The following BRWD3 variants were observed in gnomAD, a reference collection of about 807,000 sequenced individuals.
BRWD3 encodes the protein bromodomain and WD repeat domain containing 3.
Under a neutral mutation model 149.7 loss-of-function variants are expected in BRWD3, and 10 were observed. That is an observed-to-expected ratio of 0.07 (90% confidence interval 0.04 to 0.11). The LOEUF (loss-of-function observed/expected upper bound fraction) is 0.11, where lower values mean the gene tolerates loss of function less well. Ranked by LOEUF, BRWD3 falls within the 10% of genes least tolerant of loss-of-function variation. The pLI, the probability that BRWD3 is intolerant of heterozygous loss-of-function variation, is 1.00. For missense variants in BRWD3, 940 were observed against 1,373.2 expected (o/e 0.68, Z 4.99); for synonymous variants, 504 against 456.7 (o/e 1.10, Z -1.32).
chrX:80,685,789 A>G (rs1373763474), intron 35 of BRWD3, among the ~76,000 whole-genome samples: 1 of 111,903 alleles, frequency 8.9e-6, no homozygotes, highest in South Asian at 3.8e-4. Flanking sequence ...TACTTGAATG[A>G]TATTTTTTCC....
chrX:80,693,791 GTGGTC>G (rs1398914390), intron 27 of BRWD3, among the ~76,000 whole-genome samples: 1 of 112,064 alleles, frequency 8.9e-6, no homozygotes, highest in Non-Finnish European at 1.9e-5. Flanking sequence ...TCACAAAGAT[GTGGTC>G]TGGAAATGGA....
chrX:80,725,728 A>G (rs2073210099), intron 14 of BRWD3, among the ~76,000 whole-genome samples: 2 of 111,319 alleles, frequency 1.8e-5, no homozygotes, highest in Admixed American at 1.9e-4. Flanking sequence ...TAACATGTTT[A>G]CATGTGTTAC....
Position 80,675,238 on chromosome X carries a change from T to A in BRWD3, c.*1371A>T, listed in dbSNP as rs1459801966. The A allele has an allele frequency of 8.9e-6, 1 of 111,857 alleles. No individual in the cohort carries two copies. The highest frequency in any genetic ancestry group is 1.9e-5 in the Non-Finnish European group (1 of 53,092). The allele number at this position is 111,857 out of a possible 1,213,427, so 9.2% of individuals were successfully genotyped here. ...ATCTATAAAATAATGATTCACAACATGAGTGTGCAGTGCAATAAGGTTCTT... is the reference window on the plus strand; with the variant it reads ...ATCTATAAAATAATGATTCACAACAAGAGTGTGCAGTGCAATAAGGTTCTT... On this transcript the variant is annotated 3_prime_UTR_variant, in exon 41 of 41. Coordinates refer to ENST00000373275, the MANE Select transcript of BRWD3 (RefSeq NM_153252.5).
rs772657050 is a variant in BRWD3, at chrX:80,677,322, C to G, written c.4696G>C (p.Glu1566Gln). 8.3e-7 allele frequency: 1 copy of G among 1,207,576 alleles called. No homozygotes were observed. Residue 1566 changes from glutamate (E) to glutamine (Q), a missense_variant, in exon 41 of 41, where the codon GAG (glutamate) becomes CAG (glutamine). Glu to Gln is a conservative substitution (Grantham distance 29). Transcript: ENST00000373275. ...TTTCTCTTGATTCCTGTCCGGGGCT[C>G]TCTGCCATCACCATTTGTAAGGGGT... ...DGPLTNGDGR[E>Q]PRTGIKRKLL...
In BRWD3 at chrX:80,809,008, C is replaced by G. The variant is rs1173409296; in HGVS notation, c.120+5G>C. 1 of 1,195,815 alleles carries G rather than the reference C, an allele frequency of 8.4e-7. No individual in the cohort carries two copies. Among genetic ancestry groups the G allele is most frequent in the Non-Finnish European group, 1.1e-6 (1 of 888,166 alleles). ...CTCCCCACCCTTCCCGAAGGGGCTC[C>G]GTACCTGATGCTCCTCGAGCTCCTG... On this transcript the variant is annotated splice_donor_5th_base_variant and intron_variant, in intron 3 of 40. Coordinates refer to ENST00000373275, the MANE Select transcript of BRWD3 (RefSeq NM_153252.5).
rs747429018 is a variant in BRWD3, at chrX:80,744,305, C to T, written c.592-52G>A. ...TATAATGAAGCAGAAATTCACAATA[C>T]CCCCACCCAAAAAATAGCCAAAAAG... On this transcript the variant is annotated intron_variant, in intron 7 of 40. Coordinates refer to ENST00000373275, the MANE Select transcript of BRWD3 (RefSeq NM_153252.5). 58 of 679,320 alleles carry T rather than the reference C, an allele frequency of 8.5e-5. No homozygotes were observed. The African/African-American group carries it at 1.2e-3, about 15-fold the overall frequency. The allele number at this position is 679,320 out of a possible 1,213,427, so 56.0% of individuals were successfully genotyped here.
chrX:80,696,861 C>T lies in BRWD3; in HGVS notation c.2946G>A (p.Glu982=). The T allele has an allele frequency of 8.4e-7, 1 of 1,193,141 alleles. No homozygotes were observed. Among genetic ancestry groups the T allele is most frequent in the East Asian group, 3.0e-5 (1 of 33,680 alleles). Residue 982 remains glutamate, a splice_region_variant and synonymous_variant, in exon 26 of 41, where the codon GAG becomes GAA. Transcript: ENST00000373275. ...KQPWNKMDLR[E]QEFVKIVGIK... Reference sequence around the variant, plus strand: ...TTCCTACAATCTTAACAAACTCTTGCTCCTATTCATGAGAATACCAATAAA... The same window carrying T: ...TTCCTACAATCTTAACAAACTCTTGTTCCTATTCATGAGAATACCAATAAA...
intron 15 of BRWD3, among the ~76,000 whole-genome samples, chrX:80,724,284 A>G (rs1379249951): frequency 8.9e-6 from 1 of 112,150 alleles, no homozygotes; most frequent in African/African-American, 3.2e-5. Flanking sequence ...AATAAAAGAC[A>G]GAGGATCTGT....
At chrX:80,768,281 G>A (rs972693496) in intron 6 of BRWD3, among the ~76,000 whole-genome samples, 1 of 110,939 alleles carries the variant, frequency 9.0e-6, no homozygotes, top group South Asian at 3.8e-4. Flanking sequence ...ATAATTGTCA[G>A]ATTCCCCAAG....
At chrX:80,772,454 C>G (rs1444498764) in intron 6 of BRWD3, among the ~76,000 whole-genome samples, 2 of 110,189 alleles carry the variant, frequency 1.8e-5, no homozygotes, top group Admixed American at 1.9e-4. Context: ...AACATCACAC[C>G]CTGGGGCCTG....
intron 4 of BRWD3, among the ~76,000 whole-genome samples, chrX:80,804,842 G>A (rs1419215569): frequency 9.0e-6 from 1 of 111,725 alleles, no homozygotes; most frequent in Non-Finnish European, 1.9e-5. Context: ...GTCAGTAACA[G>A]CCAACTAGGA....
chrX:80,769,624 C>T lies in BRWD3; in HGVS notation c.430+22230G>A, dbSNP rs774540015. ...AGAGGGAAACTTACAGCACTAAATG[C>T]CCCTAACAGAAAGCAGGAAAGATCT... On this transcript the variant is annotated intron_variant, in intron 6 of 40. Coordinates refer to ENST00000373275, the MANE Select transcript of BRWD3 (RefSeq NM_153252.5). Among the ~76,000 whole-genome samples, 35 of 111,228 alleles carry T rather than the reference C, an allele frequency of 3.1e-4. No homozygotes were observed. In the South Asian group the frequency reaches 0.013, roughly 41 times the overall value.
chrX:80,762,352 G>A (rs2073812354), intron 6 of BRWD3, among the ~76,000 whole-genome samples: 1 of 111,863 alleles, frequency 8.9e-6, no homozygotes, highest in Non-Finnish European at 1.9e-5. Context: ...TCCTAAAAGC[G>A]ATAAGTGACA....
chrX:80,706,464 ATTTT>A (rs763900465), intron 22 of BRWD3, among the ~76,000 whole-genome samples: 1 of 110,955 alleles, frequency 9.0e-6, no homozygotes, highest in Non-Finnish European at 1.9e-5. Flanking sequence ...AAGGTTTAAA[ATTTT>A]TTTTTATTTT....
rs184929502 is a variant in BRWD3 at position 80,739,335 on chromosome X, A to T, written c.814-3247T>A. 2.7e-5 allele frequency among the ~76,000 whole-genome samples: 3 copies of T among 112,023 alleles called. No homozygotes were observed. In the East Asian group the frequency reaches 8.4e-4, roughly 31 times the overall value. The stretch of plus-strand genomic sequence containing the variant: ...GGGGAGAAGATCTAAGGAAGAAAAA[A>T]TAGTTCAATAATGAATATAATGAGT... On this transcript the variant is annotated intron_variant, in intron 8 of 40. Transcript: ENST00000373275.
chrX:80,793,104 G>A (rs2074199230), intron 5 of BRWD3, among the ~76,000 whole-genome samples: 1 of 96,448 alleles, frequency 1.0e-5, no homozygotes, highest in Non-Finnish European at 2.0e-5. Flanking sequence ...GGAGGTTGTG[G>A]TGAGCCGAGA....
chrX:80,707,577 C>A (rs2072885535), intron 21 of BRWD3, 74 bp from the exon 22 acceptor site: 2 of 989,217 alleles, frequency 2.0e-6, no homozygotes, highest in Non-Finnish European at 2.8e-6. Context: ...AAACCACTAC[C>A]TGTTTTATAG....
chrX:80,711,979 C>T (rs2072975630), intron 20 of BRWD3, among the ~76,000 whole-genome samples: 1 of 111,940 alleles, frequency 8.9e-6, no homozygotes, highest in Non-Finnish European at 1.9e-5. Flanking sequence ...TCATGTATGG[C>T]TCAGAATAAA....
At chrX:80,775,720 G>C (rs1293679988) in intron 6 of BRWD3, among the ~76,000 whole-genome samples, 2 of 111,988 alleles carry the variant, frequency 1.8e-5, no homozygotes, top group African/African-American at 6.5e-5. Context: ...TCCCAGTATT[G>C]TTGCATATGA....
Sources: allele counts gnomAD v4.1 joint callset (sites outside exome capture counted in the v4.1 genomes callset), GRCh38; gene constraint gnomAD v4.1.1; transcripts MANE v1.5; gene names NCBI Gene and HGNC (gene_info 2026-07-23, HGNC 2026-07-21).